SCG3: variants seen among roughly 807,000 people sequenced by gnomAD.
The protein encoded by SCG3 is secretogranin III, also known as secretogranin-3.
In SCG3, 38 loss-of-function variants were observed where a neutral mutation model predicts 56.2. The observed-to-expected ratio is 0.68, with a 90% CI of 0.52 to 0.89. The LOEUF (loss-of-function observed/expected upper bound fraction) is 0.89. SCG3 is among the 40% of genes least tolerant of loss of function. SCG3 has a pLI of 0.00. For synonymous variants in SCG3, 176 were observed against 184.2 expected (o/e 0.96, Z 0.36); for missense variants, 524 against 540.7 (o/e 0.97, Z 0.31).
chr15:51,682,924 A>G (rs2055204069), intron 2 of SCG3, among the ~76,000 whole-genome samples, 155 bp from the exon 3 acceptor site: 1 of 152,166 alleles, frequency 6.6e-6, no homozygotes, highest in Admixed American at 6.5e-5. Context: ...ATTTTATCTC[A>G]TTTAATTATT....
chr15:51,715,204 G>A (rs1160822652), intron 11 of SCG3: 1 of 152,214 alleles, frequency 6.6e-6, no homozygotes, highest in Non-Finnish European at 1.5e-5. Context: ...GCTTGCATAT[G>A]GAAGGCTCTG....
chr15:51,709,716 T>A (rs1236554437), intron 10 of SCG3, among the ~76,000 whole-genome samples: 73 of 48,922 alleles, frequency 1.5e-3, no homozygotes, highest in South Asian at 2.5e-3. Flanking sequence ...TTTTTTTTTT[T>A]TTTTTTTTTT....
rs2055252571 is a variant in SCG3, at chr15:51,689,430, T to C, written c.690+62T>C. The C allele has an allele frequency of 2.7e-6, 4 of 1,501,838 alleles. No homozygotes were observed. In the African/African-American group the frequency reaches 5.6e-5, roughly 21 times the overall value. The allele number at this position is 1,501,838 out of a possible 1,614,324, so 93.0% of individuals were successfully genotyped here. A position where few individuals can be genotyped will look rare whatever the true frequency, so the allele number is the denominator to read the frequency against. ...GTGTGTGTGTGTGTGTGTGTGTGTG[T>C]GTACTTCTATCTGTATAATAATTGC... On this transcript the variant is annotated intron_variant, in intron 6 of 11. Transcript: ENST00000220478.
At position 51,689,288 on chromosome 15, in the gene SCG3, G is replaced by A. The variant is rs1233847537; in HGVS notation, c.610G>A (p.Glu204Lys). The stretch of plus-strand genomic sequence containing the variant: ...GGTTTTACAAAAATTAATCTCAAAG[G>A]AAGCCAACAATTATGAGGAGGATCC... ...AEVLQKLISK[E>K]ANNYEEDPNK... The change falls in exon 6 of 12, where the codon GAA (glutamate) becomes AAA (lysine). Residue 204 changes from glutamate to lysine, a missense_variant. Coordinates refer to ENST00000220478, the MANE Select transcript of SCG3 (RefSeq NM_013243.4). 6.2e-7 allele frequency: 1 copy of A among 1,613,782 alleles called. No individual in the cohort carries two copies. Among genetic ancestry groups the A allele is most frequent in the African/African-American group, 1.3e-5 (1 of 74,852 alleles).
At chr15:51,697,073 A>G (rs1426328608) in intron 8 of SCG3, among the ~76,000 whole-genome samples, 1 of 151,916 alleles carries the variant, frequency 6.6e-6, no homozygotes, top group Non-Finnish European at 1.5e-5. Flanking sequence ...GAAAGTGAAA[A>G]TCACTCACAA....
Position 51,681,718 on chromosome 15 carries a change from C to T in SCG3, c.-38C>T. 6.5e-7 allele frequency: 1 copy of T among 1,530,668 alleles called. No homozygotes were observed. Among genetic ancestry groups the T allele is most frequent in the Non-Finnish European group, 9.0e-7 (1 of 1,105,688 alleles). The allele number at this position is 1,530,668 out of a possible 1,614,324, so 94.8% of individuals were successfully genotyped here. On this transcript the variant is annotated 5_prime_UTR_variant, in exon 1 of 12. Coordinates refer to ENST00000220478, the MANE Select transcript of SCG3 (RefSeq NM_013243.4). ...ATAACAAAAGCTACAGCTCCAGGAG[C>T]CCAGCGCCGGGCTGTGACCCAAGCC...
chr15:51,705,522 CT>C (rs766515836), intron 10 of SCG3, among the ~76,000 whole-genome samples: 1,903 of 142,654 alleles, frequency 0.013, 28 homozygotes, highest in African/African-American at 0.04. Flanking sequence ...TAGTGTTATT[CT>C]TTTTTTTTTT....
intron 5 of SCG3, among the ~76,000 whole-genome samples, chr15:51,688,909 G>T (rs1595829259): frequency 6.6e-6 from 1 of 152,158 alleles, no homozygotes; most frequent in South Asian, 2.1e-4. Flanking sequence ...GATGTCAAAG[G>T]TTATCTGACT....
chr15:51,682,866 CAAT>C (rs753914106), intron 2 of SCG3, among the ~76,000 whole-genome samples: 14 of 152,172 alleles, frequency 9.2e-5, no homozygotes, highest in Non-Finnish European at 1.6e-4. Flanking sequence ...TCTCTTTCAA[CAAT>C]ATTATAGGAG....
intron 10 of SCG3, among the ~76,000 whole-genome samples, chr15:51,705,095 G>T (rs962454047): frequency 2.7e-4 from 41 of 151,958 alleles, no homozygotes; most frequent in Non-Finnish European, 5.3e-4. Context: ...CTGAGACAGA[G>T]AACCACGAAT....
chr15:51,704,403 C>T (rs2055360470), intron 10 of SCG3, among the ~76,000 whole-genome samples: 1 of 150,952 alleles, frequency 6.6e-6, no homozygotes, highest in African/African-American at 2.4e-5. Context: ...CCGTCACCAC[C>T]ATCCACCTCC....
chr15:51,718,718 A>G lies in SCG3; in HGVS notation c.1289-690A>G, dbSNP rs185714715. On this transcript the variant is annotated intron_variant, in intron 11 of 11. Transcript: ENST00000220478. ...CTTTATTTTTGGTGGGTGTTTTGAC[A>G]ATGTATATAGATTTTGTTTGTTTGT... Among the ~76,000 whole-genome samples, 551 of 152,260 alleles carry G rather than the reference A, an allele frequency of 3.6e-3. 3 individuals are homozygous for G. The highest frequency in any genetic ancestry group is 5.5e-3 in the Admixed American group (84 of 15,302).
chr15:51,690,404 G>A (rs2055259033), intron 6 of SCG3, among the ~76,000 whole-genome samples: 1 of 152,032 alleles, frequency 6.6e-6, no homozygotes, highest in Non-Finnish European at 1.5e-5. Flanking sequence ...ATTTTCCTCT[G>A]TAAAGCACCC....
At chr15:51,693,327 G>C (rs1259766809) in intron 7 of SCG3, 1 of 152,170 alleles carries the variant, frequency 6.6e-6, no homozygotes, top group Admixed American at 6.5e-5. Context: ...TTTATGAACA[G>C]TTTCAGTTTC....
At position 51,681,525 on chromosome 15, in the gene SCG3, G is replaced by T; in HGVS notation, c.-231G>T. 1.8e-6 allele frequency: 1 copy of T among 555,188 alleles called. No homozygotes were observed. The highest frequency in any genetic ancestry group is 3.2e-6 in the Non-Finnish European group (1 of 308,444). The allele number at this position is 555,188 out of a possible 1,614,324, so 34.4% of individuals were successfully genotyped here. ...GTCACAGGAACTTCAGCACCCACAGGGCGGACAGCGCTCCCCTCTACCTGG... is the reference window on the plus strand; with the variant it reads ...GTCACAGGAACTTCAGCACCCACAGTGCGGACAGCGCTCCCCTCTACCTGG... On this transcript the variant is annotated 5_prime_UTR_variant, in exon 1 of 12. Coordinates refer to ENST00000220478, the MANE Select transcript of SCG3 (RefSeq NM_013243.4).
chr15:51,701,347 A>C (rs1419474398), intron 10 of SCG3, 103 bp downstream of exon 10: 2 of 1,167,728 alleles, frequency 1.7e-6, no homozygotes, highest in Non-Finnish European at 2.4e-6. Flanking sequence ...CACATCTGAG[A>C]AATTGACACA....
intron 7 of SCG3, among the ~76,000 whole-genome samples, chr15:51,694,322 C>T (rs1408121771): frequency 6.6e-6 from 1 of 151,386 alleles, no homozygotes; most frequent in Admixed American, 6.6e-5. Context: ...TGTTTGCTCC[C>T]TACTCCTCCG....
In SCG3 at chr15:51,713,410, G is replaced by C. The variant is rs1384235114; in HGVS notation, c.1285G>C (p.Glu429Gln). The C allele has an allele frequency of 6.3e-7, 1 of 1,594,790 alleles. No homozygotes were observed. Among genetic ancestry groups the C allele is most frequent in the Non-Finnish European group, 8.6e-7 (1 of 1,168,742 alleles). The stretch of plus-strand genomic sequence containing the variant: ...GAAACATGACAAAAAGGGAAATAAA[G>C]AAGGTAGGACCAAGTGTGGTTGTAC... Reference protein sequence around the residue: ...LKKHDKKGNKEDYDLSKMRDF... With the variant: ...LKKHDKKGNKQDYDLSKMRDF... Residue 429 changes from glutamate to glutamine, a missense_variant, in exon 11 of 12, where the codon GAA (glutamate) becomes CAA (glutamine). Glu to Gln is a conservative substitution (Grantham distance 29, BLOSUM62 2). Coordinates refer to ENST00000220478, the MANE Select transcript of SCG3 (RefSeq NM_013243.4).
chr15:51,706,503 G>A (rs1487827735), intron 10 of SCG3, among the ~76,000 whole-genome samples: 1 of 152,134 alleles, frequency 6.6e-6, no homozygotes, highest in Non-Finnish European at 1.5e-5. Flanking sequence ...TAAGGGATGA[G>A]GTAATGGTCC....
Sources: allele counts gnomAD v4.1 joint callset (sites outside exome capture counted in the v4.1 genomes callset), GRCh38; gene constraint gnomAD v4.1.1; transcripts MANE v1.5; gene names NCBI Gene and HGNC (gene_info 2026-07-23, HGNC 2026-07-21).